KIAA1671: variants seen among roughly 807,000 people sequenced by gnomAD.
The protein encoded by KIAA1671 is KIAA1671.
KIAA1671 carries 52 observed loss-of-function variants against 131.2 expected under a neutral mutation model. The ratio of observed to expected loss-of-function variants is 0.40; its 90% CI spans 0.32 to 0.50. KIAA1671 has a LOEUF of 0.50. Among genes scored for constraint, KIAA1671 ranks in the 20% least tolerant of loss-of-function variants. The pLI is 0.73. For missense variants in KIAA1671, 2,360 were observed against 2,364.2 expected (o/e 1.00, Z 0.04); for synonymous variants, 1,003 against 961.6 (o/e 1.04, Z -0.80).
At chr22:25,139,750 T>C (rs528258496) in intron 6 of KIAA1671, among the ~76,000 whole-genome samples, 5 of 152,202 alleles carry the variant, frequency 3.3e-5, no homozygotes, top group African/African-American at 1.2e-4. Context: ...ACACAAGAGC[T>C]TAGGGAAGCC....
At chr22:24,954,023 T>A (rs1440362739) in intron 1 of KIAA1671, among the ~76,000 whole-genome samples, 1 of 152,090 alleles carries the variant, frequency 6.6e-6, no homozygotes, top group Admixed American at 6.6e-5. Context: ...GCTCTATAAG[T>A]ATCAGTGCCT....
intron 6 of KIAA1671, among the ~76,000 whole-genome samples, chr22:25,068,506 G>C (rs1028793784): frequency 6.6e-6 from 1 of 151,856 alleles, no homozygotes; most frequent in African/African-American, 2.4e-5. Flanking sequence ...GCACGATCTC[G>C]GCTCACTGCA....
rs1714864638 is a variant in KIAA1671, at chr22:25,049,316, C to G, written c.4482C>G (p.Pro1494=). ...LQQVSPVASV[P]WRSHSFCKDR... ...AGGTGTCCCCTGTGGCCTCGGTTCC[C>G]TGGAGAAGCCACAGCTTCTGCAAAG... is the stretch of plus-strand genomic sequence containing the variant. Residue 1494 remains proline, a synonymous_variant, in exon 6 of 13, where the codon CCC becomes CCG. Coordinates refer to ENST00000358431, the MANE Select transcript of KIAA1671 (RefSeq NM_001145206.2). The G allele has an allele frequency of 2.6e-6, 4 of 1,551,632 alleles. No homozygotes were observed. Among genetic ancestry groups the G allele is most frequent in the Admixed American group, 3.9e-5 (2 of 51,012 alleles).
chr22:24,991,047 T>A (rs946567566), intron 1 of KIAA1671, among the ~76,000 whole-genome samples: 1 of 151,926 alleles, frequency 6.6e-6, no homozygotes, highest in Non-Finnish European at 1.5e-5. Context: ...TTTTGAGGAG[T>A]CTCACTCCGT....
At chr22:25,139,515 A>G (rs1932775497) in intron 6 of KIAA1671, among the ~76,000 whole-genome samples, 1 of 152,238 alleles carries the variant, frequency 6.6e-6, no homozygotes, top group Non-Finnish European at 1.5e-5. Context: ...AAGATGTGGT[A>G]AGGCTTTAAT....
At position 25,174,222 on chromosome 22, in the gene KIAA1671, C is replaced by T. The variant is rs1400005732; in HGVS notation, c.4650-18C>T. ...CGTTCTCCATAACCATGTCTCCCTT[C>T]ATTCCCTTTTTTGGCAGCTTGGCCA... On this transcript the variant is annotated intron_variant, in intron 7 of 12. Transcript: ENST00000358431. 1.9e-6 allele frequency: 3 copies of T among 1,551,084 alleles called. No individual in the cohort carries two copies. The highest frequency in any genetic ancestry group is 2.0e-5 in the Admixed American group (1 of 50,982).
At chr22:25,081,061 G>T (rs776294490) in intron 6 of KIAA1671, among the ~76,000 whole-genome samples, 1 of 152,166 alleles carries the variant, frequency 6.6e-6, no homozygotes, top group African/African-American at 2.4e-5. Context: ...TGCCAATCTC[G>T]TGACTGCTGA....
intron 7 of KIAA1671, among the ~76,000 whole-genome samples, chr22:25,172,632 G>A (rs940405153): frequency 6.6e-6 from 1 of 152,198 alleles, no homozygotes; most frequent in Non-Finnish European, 1.5e-5. Context: ...ATGACCTGGA[G>A]GCTTTGCTAG....
chr22:24,999,267 C>T (rs1924306880), intron 1 of KIAA1671, among the ~76,000 whole-genome samples: 1 of 152,180 alleles, frequency 6.6e-6, no homozygotes, highest in South Asian at 2.1e-4. Flanking sequence ...TAGGGTCTTG[C>T]TCTGTCACCT....
At chr22:25,148,025 G>T (rs566834885) in intron 6 of KIAA1671, among the ~76,000 whole-genome samples, 1 of 105,396 alleles carries the variant, frequency 9.5e-6, no homozygotes, top group African/African-American at 3.9e-5. Context: ...TCTTTCCCTT[G>T]CTACCTCTCT....
chr22:25,180,365 C>T (rs1011933237), intron 9 of KIAA1671, among the ~76,000 whole-genome samples: 1 of 152,118 alleles, frequency 6.6e-6, no homozygotes, highest in African/African-American at 2.4e-5. Flanking sequence ...ATGGTGAAAC[C>T]CCGTCTCTAC....
chr22:25,005,374 A>G (rs980219386), intron 1 of KIAA1671, among the ~76,000 whole-genome samples: 1 of 151,604 alleles, frequency 6.6e-6, no homozygotes, highest in African/African-American at 2.4e-5. Context: ...AGAAAAAAAG[A>G]AATTGAAAGG....
At chr22:25,176,294 C>T (rs1729557361) in intron 8 of KIAA1671, 2 of 152,266 alleles carry the variant, frequency 1.3e-5, no homozygotes, top group Admixed American at 1.3e-4. Flanking sequence ...ACTTTTGTTA[C>T]TTACCATTGT....
At chr22:25,036,277 T>C (rs1476379674) in intron 4 of KIAA1671, among the ~76,000 whole-genome samples, 5 of 151,778 alleles carry the variant, frequency 3.3e-5, no homozygotes, top group African/African-American at 7.3e-5. Context: ...ACAGGGTTTC[T>C]CCATGTTGGT....
intron 5 of KIAA1671, among the ~76,000 whole-genome samples, chr22:25,047,914 C>T (rs1036184117): frequency 7.9e-5 from 12 of 152,376 alleles, no homozygotes; most frequent in African/African-American, 2.6e-4. Flanking sequence ...TGAAGATTTA[C>T]ACCTCTATTT....
intron 1 of KIAA1671, among the ~76,000 whole-genome samples, chr22:24,954,903 C>T (rs1297151523): frequency 6.6e-6 from 1 of 152,182 alleles, no homozygotes; most frequent in Non-Finnish European, 1.5e-5. Flanking sequence ...GCCTCAGCCT[C>T]CAGAGTGGCT....
intron 1 of KIAA1671, among the ~76,000 whole-genome samples, chr22:25,000,245 G>A (rs1197498957): frequency 3.5e-5 from 2 of 56,434 alleles, no homozygotes; most frequent in Admixed American, 4.3e-4. Flanking sequence ...CCAGGCTGGA[G>A]TGCAGTGGCG....
intron 1 of KIAA1671, among the ~76,000 whole-genome samples, chr22:24,954,421 TC>T (rs35437416): frequency 6.6e-6 from 1 of 152,058 alleles, no homozygotes; most frequent in African/African-American, 2.4e-5. Flanking sequence ...GGCAGGGGGA[TC>T]CTTTTTAAAG....
chr22:25,119,779 G>A (rs141291327), intron 6 of KIAA1671, among the ~76,000 whole-genome samples: 2 of 152,308 alleles, frequency 1.3e-5, no homozygotes, highest in African/African-American at 4.8e-5. Flanking sequence ...AGCAGGAAAG[G>A]CAGTGCAAAG....
Sources: gnomAD v4.1 joint callset for allele counts (sites outside exome capture counted in the v4.1 genomes callset) on GRCh38, gnomAD v4.1.1 for gene constraint, MANE v1.5 for transcripts, NCBI Gene and HGNC (gene_info 2026-07-23, HGNC 2026-07-21) for gene names.